DLG1: variants seen among roughly 807,000 people sequenced by gnomAD.
The protein encoded by DLG1 is discs large MAGUK scaffold protein 1.
Under a neutral mutation model 123.4 loss-of-function variants are expected in DLG1, and 42 were observed. That is an observed-to-expected ratio of 0.34 (90% CI 0.27 to 0.44). The LOEUF (loss-of-function observed/expected upper bound fraction) is 0.44, where lower values mean the gene tolerates loss of function less well. Among genes scored for constraint, DLG1 ranks in the 20% least tolerant of loss-of-function variants. The probability of loss-of-function intolerance (pLI) is 1.00; values close to 1 mark genes in which losing one functional copy is unlikely to be tolerated. For missense variants in DLG1, 942 were observed against 1,082.6 expected, an observed-to-expected ratio of 0.87 and a Z score of 1.82; for synonymous variants, 317 against 356.2, an observed-to-expected ratio of 0.89 and a Z score of 1.24.
chr3:197,141,525 A>G (rs1787987459), intron 7 of DLG1, among the ~76,000 whole-genome samples: 1 of 152,200 alleles, frequency 6.6e-6, no homozygotes, highest in Admixed American at 6.5e-5. Context: ...ATATACATGT[A>G]AGAGACTCTC....
At chr3:197,243,529 G>T (rs560689607) in intron 4 of DLG1, among the ~76,000 whole-genome samples, 132 of 152,262 alleles carry the variant, frequency 8.7e-4, no homozygotes, top group Non-Finnish European at 1.5e-3. Flanking sequence ...TTCAGTAAGG[G>T]CTGTTGTAAT....
At chr3:197,159,514 G>T (rs970867563) in intron 5 of DLG1, among the ~76,000 whole-genome samples, 7 of 152,106 alleles carry the variant, frequency 4.6e-5, no homozygotes, top group Admixed American at 2.6e-4. Context: ...CTTTTCTTCT[G>T]TTTTTATTTC....
intron 17 of DLG1, among the ~76,000 whole-genome samples, chr3:197,077,489 A>G (rs1748057504): frequency 6.6e-6 from 1 of 152,068 alleles, no homozygotes; most frequent in African/African-American, 2.4e-5. Context: ...CTTAAGTTCT[A>G]CTCTACTTAT....
intron 5 of DLG1, among the ~76,000 whole-genome samples, chr3:197,182,892 ATTTT>A (rs545840557): frequency 6.6e-6 from 1 of 151,890 alleles, no homozygotes; most frequent in Non-Finnish European, 1.5e-5. Context: ...GTGTTATGTG[ATTTT>A]TTTTAATTTT....
intron 4 of DLG1, among the ~76,000 whole-genome samples, chr3:197,236,785 G>A (rs1176145644): frequency 6.6e-6 from 1 of 152,178 alleles, no homozygotes; most frequent in Non-Finnish European, 1.5e-5. Flanking sequence ...CCAGGAAGCA[G>A]ATCAACAAAT....
chr3:197,285,166 G>C (rs928565838), intron 3 of DLG1, among the ~76,000 whole-genome samples: 1 of 151,992 alleles, frequency 6.6e-6, no homozygotes, highest in African/African-American at 2.4e-5. Context: ...GCAAACAATG[G>C]GAGTAAAGGG....
In DLG1 at chr3:197,193,465, G is replaced by GAA. The variant is rs1720741726; in HGVS notation, c.483+959_483+960insTT. Reference sequence around the variant, plus strand: ...ACAAGCTGGCTTTATCCACAAAGATGTATATATAACCTGTGTTTTTACAAG... The same window carrying GAA: ...ACAAGCTGGCTTTATCCACAAAGATGAATATATATAACCTGTGTTTTTACAAG... On this transcript the variant is annotated intron_variant, in intron 5 of 24. Coordinates refer to ENST00000667157, the MANE Select transcript of DLG1 (RefSeq NM_001366207.1). Among the ~76,000 whole-genome samples, 3 of 152,152 alleles carry GAA rather than the reference G, an allele frequency of 2.0e-5. No homozygotes were observed. In the South Asian group the frequency reaches 6.2e-4, roughly 32 times the overall value.
At chr3:197,046,273 A>G (rs1722976683) in intron 24 of DLG1, among the ~76,000 whole-genome samples, 1 of 152,196 alleles carries the variant, frequency 6.6e-6, no homozygotes, top group Non-Finnish European at 1.5e-5. Flanking sequence ...GCAAGGATTT[A>G]TTTTAGGAGA....
At chr3:197,065,524 C>T (rs563021479) in intron 21 of DLG1, 76 bp from the exon 22 acceptor site, 88 of 1,319,916 alleles carry the variant, frequency 6.7e-5, no homozygotes, top group South Asian at 8.7e-5. Flanking sequence ...CTACTTACAT[C>T]GTTTTGTAAA....
At chr3:197,292,530 C>T (rs1775449597) in intron 3 of DLG1, among the ~76,000 whole-genome samples, 1 of 152,160 alleles carries the variant, frequency 6.6e-6, no homozygotes, top group South Asian at 2.1e-4. Flanking sequence ...AGATTTGTTT[C>T]ACAACAATAT....
At chr3:197,267,891 T>C (rs771182146) in intron 4 of DLG1, among the ~76,000 whole-genome samples, 4 of 152,032 alleles carry the variant, frequency 2.6e-5, no homozygotes, top group Non-Finnish European at 5.9e-5. Flanking sequence ...ATTTACAGGA[T>C]AAAATAAAGA....
intron 18 of DLG1, chr3:197,069,980 G>T (rs530938449): frequency 1.2e-3 from 189 of 152,262 alleles, no homozygotes; most frequent in African/African-American, 4.3e-3. Context: ...GCACTGGCTG[G>T]CTTTTGCAAA....
intron 16 of DLG1, 38 bp from the exon 17 acceptor site, chr3:197,081,155 A>G: frequency 6.3e-7 from 1 of 1,577,146 alleles, no homozygotes; most frequent in South Asian, 1.1e-5. Context: ...AAGTAAACCA[A>G]ACATATCTGG....
chr3:197,162,458 C>G (rs1190286175), intron 5 of DLG1, among the ~76,000 whole-genome samples: 2 of 151,988 alleles, frequency 1.3e-5, no homozygotes, highest in African/African-American at 4.8e-5. Context: ...ACACTAAAAT[C>G]AAGCAGATGA....
chr3:197,143,780 G>A (rs959064741), intron 6 of DLG1, among the ~76,000 whole-genome samples: 1 of 152,020 alleles, frequency 6.6e-6, no homozygotes, highest in African/African-American at 2.4e-5. Context: ...TTTCCACTTC[G>A]ACATCTGGAA....
intron 1 of DLG1, chr3:197,297,709 G>T: frequency 2.0e-6 from 2 of 988,046 alleles, no homozygotes; most frequent in Non-Finnish European, 2.4e-6. Flanking sequence ...CTGCTCCAGC[G>T]GGGGCCGGAC....
At chr3:197,187,300 G>A (rs917116211) in intron 5 of DLG1, among the ~76,000 whole-genome samples, 4 of 152,270 alleles carry the variant, frequency 2.6e-5, no homozygotes, top group Admixed American at 1.3e-4. Context: ...TTATATACTA[G>A]AAACAGGAAA....
At chr3:197,228,385 C>A (rs1741056597) in intron 4 of DLG1, among the ~76,000 whole-genome samples, 1 of 152,228 alleles carries the variant, frequency 6.6e-6, no homozygotes, top group Non-Finnish European at 1.5e-5. Flanking sequence ...TCAAGCATGT[C>A]CACTTAGCCT....
At chr3:197,116,566 G>C (rs535800240) in intron 12 of DLG1, among the ~76,000 whole-genome samples, 4 of 152,274 alleles carry the variant, frequency 2.6e-5, no homozygotes, top group South Asian at 4.1e-4. Context: ...GCTGAGGTGA[G>C]AGTATAACCC....
Sources: allele counts gnomAD v4.1 joint callset (sites outside exome capture counted in the v4.1 genomes callset), GRCh38; gene constraint gnomAD v4.1.1; transcripts MANE v1.5; gene names NCBI Gene and HGNC (gene_info 2026-07-23, HGNC 2026-07-21).